Variants in PIK3R3 observed in about 807,000 individuals in gnomAD.
The protein encoded by PIK3R3 is phosphoinositide-3-kinase regulatory subunit 3.
A neutral mutation model predicts 62.9 loss-of-function variants in PIK3R3; 64 were observed. That is an observed-to-expected ratio of 1.02 (90% CI 0.83 to 1.25). The LOEUF is 1.25. Among genes scored for constraint, PIK3R3 ranks in the 50% most tolerant of loss-of-function variants. The probability of loss-of-function intolerance (pLI) is 0.00; values close to 1 mark genes in which losing one functional copy is unlikely to be tolerated. For missense variants in PIK3R3, 614 were observed against 561.6 expected (o/e 1.09, Z -0.94); for synonymous variants, 165 against 189.0 (o/e 0.87, Z 1.04).
chr1:46,126,581 G>A (rs780471945), intron 1 of PIK3R3, among the ~76,000 whole-genome samples: 10 of 150,414 alleles, frequency 6.6e-5, no homozygotes, highest in Non-Finnish European at 1.2e-4. Flanking sequence ...AAGCTGGATA[G>A]TAAAGATGTC....
intron 7 of PIK3R3, among the ~76,000 whole-genome samples, chr1:46,055,172 GA>G (rs1557559135): frequency 2.0e-5 from 3 of 148,390 alleles, no homozygotes; most frequent in Non-Finnish European, 4.4e-5. Context: ...GCAGTGGCGT[GA>G]TCTCGGCTCA....
intron 1 of PIK3R3, among the ~76,000 whole-genome samples, chr1:46,104,527 A>G (rs941293164): frequency 3.3e-5 from 5 of 152,326 alleles, no homozygotes; most frequent in Middle Eastern, 3.4e-3. Context: ...AATCCATTAA[A>G]TGAAACATCT....
the PIK3R3 span, among the ~76,000 whole-genome samples, chr1:46,143,312 C>G: frequency 6.6e-6 from 1 of 152,040 alleles, no homozygotes; most frequent in Non-Finnish European, 1.5e-5. Flanking sequence ...GTAGTAGATA[C>G]CTTTTTTGTG....
intron 1 of PIK3R3, among the ~76,000 whole-genome samples, chr1:46,100,666 T>C (rs559837972): frequency 6.6e-6 from 1 of 152,336 alleles, no homozygotes; most frequent in East Asian, 1.9e-4. Context: ...TAAACAGAAG[T>C]GTATTGAACT....
chr1:46,108,494 T>C (rs1653417592), intron 1 of PIK3R3, among the ~76,000 whole-genome samples: 1 of 152,232 alleles, frequency 6.6e-6, no homozygotes, highest in Non-Finnish European at 1.5e-5. Flanking sequence ...GAGATTACTA[T>C]CCTGTTGGTA....
chr1:46,155,260 A>G, the PIK3R3 span, among the ~76,000 whole-genome samples: 2 of 152,030 alleles, frequency 1.3e-5, no homozygotes, highest in Admixed American at 1.3e-4. Context: ...ATTCAAGGCT[A>G]CAGTGAGCCA....
At chr1:46,156,673 A>G in the PIK3R3 span, among the ~76,000 whole-genome samples, 2 of 152,224 alleles carry the variant, frequency 1.3e-5, no homozygotes, top group Admixed American at 1.3e-4. Context: ...ACTGTTGTGG[A>G]CAAACCAGCT....
At chr1:46,065,695 A>C (rs1486977957) in intron 5 of PIK3R3, among the ~76,000 whole-genome samples, 3 of 152,232 alleles carry the variant, frequency 2.0e-5, no homozygotes, top group African/African-American at 7.2e-5. Flanking sequence ...GGCTGATATT[A>C]GAGTAAGCCC....
At chr1:46,121,973 T>C (rs1442679212) in intron 1 of PIK3R3, among the ~76,000 whole-genome samples, 1 of 151,942 alleles carries the variant, frequency 6.6e-6, no homozygotes, top group African/African-American at 2.4e-5. Flanking sequence ...TGGTGGTGCA[T>C]GCCTGTAGCC....
At chr1:46,167,753 C>T in the PIK3R3 span, among the ~76,000 whole-genome samples, 1 of 152,318 alleles carries the variant, frequency 6.6e-6, no homozygotes, top group East Asian at 1.9e-4. Context: ...TCATCTCACA[C>T]GGCCAATCAG....
the PIK3R3 span, among the ~76,000 whole-genome samples, chr1:46,165,060 T>C: frequency 6.6e-6 from 1 of 152,074 alleles, no homozygotes; most frequent in Non-Finnish European, 1.5e-5. Context: ...TCTCAAGCAA[T>C]CTTCCCGTCT....
In PIK3R3 at chr1:46,043,113, G is replaced by GTT. The variant is rs111469428; in HGVS notation, c.*558_*559dup. The GTT allele has an allele frequency of 4.0e-5, 9 of 227,392 alleles. No individual in the cohort carries two copies. Among genetic ancestry groups the GTT allele is most frequent in the South Asian group, 1.8e-4 (1 of 5,478 alleles). 14.1% of individuals were successfully genotyped at this position (227,392 alleles called of 1,614,324 possible). A position where few individuals can be genotyped will look rare whatever the true frequency, so the allele number is the denominator to read the frequency against. ...AGAAACAAAATACCTTCAGTTGAAGGTTTTTTTTATCATCTTGGCTTAGAT... is the reference window on the plus strand; with the variant it reads ...AGAAACAAAATACCTTCAGTTGAAGGTTTTTTTTTTATCATCTTGGCTTAGAT... On this transcript the variant is annotated 3_prime_UTR_variant, in exon 10 of 10. Coordinates refer to ENST00000262741, the MANE Select transcript of PIK3R3 (RefSeq NM_003629.4).
Position 46,065,006 on chromosome 1 carries a change from A to C in PIK3R3, c.621+1048T>G, listed in dbSNP as rs151249088. 4.6e-5 allele frequency among the ~76,000 whole-genome samples: 7 copies of C among 152,322 alleles called. No individual in the cohort carries two copies. In the East Asian group the frequency reaches 1.2e-3, roughly 25 times the overall value. ...AGAGCCCAAGGTAAGTTATTGTTGC[A>C]CTAAGAATTCACTAGGAATTAAGTC... On this transcript the variant is annotated intron_variant, in intron 5 of 9. Coordinates refer to ENST00000262741, the MANE Select transcript of PIK3R3 (RefSeq NM_003629.4).
chr1:46,067,253 C>CATATATATATATATATATAT (rs71307629), intron 3 of PIK3R3, among the ~76,000 whole-genome samples, 162 bp from the exon 4 acceptor site: 61 of 130,342 alleles, frequency 4.7e-4, no homozygotes, highest in African/African-American at 8.7e-4. Flanking sequence ...TGTGTGTGAA[C>CATATATATATATATATATAT]ATATATATAT....
At chr1:46,160,756 T>G in the PIK3R3 span, among the ~76,000 whole-genome samples, 2 of 152,224 alleles carry the variant, frequency 1.3e-5, no homozygotes, top group Non-Finnish European at 2.9e-5. Context: ...TTGGGTGAAA[T>G]GCCCATCACT....
chr1:46,042,205 C>A lies in PIK3R3; in HGVS notation c.*1468G>T, dbSNP rs1647009606. ...ATGGGGGCAGGAATAGATGCCTGCC[C>A]CCACTCCATTTGCCTAGCTTCACTC... is the stretch of plus-strand genomic sequence containing the variant. On this transcript the variant is annotated 3_prime_UTR_variant, in exon 10 of 10. Transcript: ENST00000262741. The surrounding 1 kb of genome is among the most constrained non-coding windows in gnomAD (Gnocchi z 4.3). 1.3e-5 allele frequency: 3 copies of A among 224,006 alleles called. No individual in the cohort carries two copies. Among genetic ancestry groups the A allele is most frequent in the Non-Finnish European group, 2.7e-5 (3 of 112,346 alleles). 13.9% of individuals were successfully genotyped at this position (224,006 alleles called of 1,614,324 possible).
At chr1:46,134,959 C>T (rs1020542690), upstream of PIK3R3, among the ~76,000 whole-genome samples, 1 of 152,192 alleles carries the variant, frequency 6.6e-6, no homozygotes, top group Non-Finnish European at 1.5e-5. Flanking sequence ...AATTGTATGA[C>T]CCAACTCTCC....
At chr1:46,089,486 T>G (rs1013474526) in intron 1 of PIK3R3, among the ~76,000 whole-genome samples, 1 of 151,928 alleles carries the variant, frequency 6.6e-6, no homozygotes, top group Admixed American at 6.6e-5. Context: ...GAGGCCAAGG[T>G]GGGCGGATCA....
intron 1 of PIK3R3, among the ~76,000 whole-genome samples, chr1:46,100,089 T>C (rs1168728931): frequency 6.6e-6 from 1 of 152,174 alleles, no homozygotes; most frequent in African/African-American, 2.4e-5. Context: ...AAATATTTTC[T>C]CCCAGATGGG....
Sources: gnomAD v4.1 joint callset for allele counts (sites outside exome capture counted in the v4.1 genomes callset) on GRCh38, gnomAD v4.1.1 for gene constraint, Gnocchi (gnomAD v3.1) non-coding constraint, MANE v1.5 for transcripts, NCBI Gene and HGNC (gene_info 2026-07-23, HGNC 2026-07-21) for gene names.